The following GALNT17 variants were observed in gnomAD, a reference collection of about 807,000 sequenced individuals.
GALNT17 encodes UDP-GalNAc:polypeptide N-acetylgalactosaminyltransferase-like 3.
In GALNT17, 29 loss-of-function variants were observed where a neutral mutation model predicts 63.7. The ratio of observed to expected loss-of-function variants is 0.46; its 90% confidence interval spans 0.34 to 0.62. GALNT17 has a LOEUF of 0.62. Ranked by LOEUF, GALNT17 falls within the 20% of genes least tolerant of loss-of-function variation. The pLI is 0.01. For missense variants in GALNT17, 603 were observed against 799.6 expected, an observed-to-expected ratio of 0.75 and a Z score of 2.97; for synonymous variants, 305 against 318.3, an observed-to-expected ratio of 0.96 and a Z score of 0.45.
intron 1 of GALNT17, among the ~76,000 whole-genome samples, chr7:71,287,633 C>T (rs1790898995): frequency 1.3e-5 from 2 of 152,208 alleles, no homozygotes; most frequent in Admixed American, 1.3e-4. Context: ...TAATAGCCTA[C>T]TGTCAACTGA....
At chr7:71,365,271 C>T (rs556017313) in intron 2 of GALNT17, among the ~76,000 whole-genome samples, 8 of 151,998 alleles carry the variant, frequency 5.3e-5, no homozygotes, top group East Asian at 1.9e-4. Flanking sequence ...AACAGAGTCT[C>T]GCTCTGCTGC....
At chr7:71,700,190 C>G (rs1162476948) in intron 9 of GALNT17, among the ~76,000 whole-genome samples, 1 of 151,982 alleles carries the variant, frequency 6.6e-6, no homozygotes, top group Non-Finnish European at 1.5e-5. Flanking sequence ...CACCTGTAGT[C>G]CCAGATACTC....
intron 5 of GALNT17, among the ~76,000 whole-genome samples, chr7:71,537,926 T>G (rs559573438): frequency 7.0e-4 from 107 of 152,226 alleles, no homozygotes; most frequent in African/African-American, 2.5e-3. Context: ...GATCAAGGAA[T>G]TCCTGTGGCC....
chr7:71,619,494 T>C (rs1387167256), intron 6 of GALNT17, among the ~76,000 whole-genome samples: 2 of 152,226 alleles, frequency 1.3e-5, no homozygotes, highest in East Asian at 3.8e-4. Flanking sequence ...GTTCTCCTTG[T>C]AGAGATCTTT....
chr7:71,137,450 T>C (rs529655398), intron 1 of GALNT17, among the ~76,000 whole-genome samples: 12 of 152,186 alleles, frequency 7.9e-5, no homozygotes, highest in Non-Finnish European at 1.5e-4. Flanking sequence ...TTTTGGACTT[T>C]TAATACCACC....
chr7:71,277,404 G>C (rs1202091566), intron 1 of GALNT17, among the ~76,000 whole-genome samples: 2 of 152,068 alleles, frequency 1.3e-5, no homozygotes, highest in African/African-American at 4.8e-5. Flanking sequence ...TCACTATTTG[G>C]GTGATGAGTT....
chr7:71,517,975 C>T (rs1788470848), intron 5 of GALNT17, among the ~76,000 whole-genome samples: 1 of 152,140 alleles, frequency 6.6e-6, no homozygotes, highest in Non-Finnish European at 1.5e-5. Flanking sequence ...ATTCTTATCT[C>T]AGAGGGAGCA....
At chr7:71,616,132 G>C (rs1024880475) in intron 6 of GALNT17, among the ~76,000 whole-genome samples, 2 of 152,206 alleles carry the variant, frequency 1.3e-5, no homozygotes, top group South Asian at 2.1e-4. Flanking sequence ...TCATCAGAGA[G>C]TGGGGCTTTG....
chr7:71,569,381 T>A (rs930197429), intron 5 of GALNT17, among the ~76,000 whole-genome samples: 1 of 152,250 alleles, frequency 6.6e-6, no homozygotes, highest in African/African-American at 2.4e-5. Flanking sequence ...ATCACCTAAA[T>A]TGTGAACAGA....
At chr7:71,292,668 A>AGAGT (rs1791003191) in intron 1 of GALNT17, among the ~76,000 whole-genome samples, 1 of 67,372 alleles carries the variant, frequency 1.5e-5, no homozygotes, top group Non-Finnish European at 3.6e-5. Context: ...AGAGAGAGAG[A>AGAGT]GTGTGTGTGT....
At position 71,198,584 on chromosome 7, in the gene GALNT17, C is replaced by T. The variant is rs138056438; in HGVS notation, c.238+65544C>T. On this transcript the variant is annotated intron_variant, in intron 1 of 10. Coordinates refer to ENST00000333538, the MANE Select transcript of GALNT17 (RefSeq NM_022479.3). ...GCCAACACCAGCTGACACTAGCTGA[C>T]GCTAGTTGGACTGACACCAACACAG... is the stretch of plus-strand genomic sequence containing the variant. Among the ~76,000 whole-genome samples, 618 of 152,328 alleles carry T rather than the reference C, an allele frequency of 4.1e-3. 3 individuals are homozygous for T. The highest frequency in any genetic ancestry group is 0.014 in the African/African-American group (579 of 41,586).
chr7:71,695,251 A>G (rs1296528896), intron 9 of GALNT17, among the ~76,000 whole-genome samples: 1 of 152,134 alleles, frequency 6.6e-6, no homozygotes, highest in African/African-American at 2.4e-5. Flanking sequence ...GAACTGCCCC[A>G]ATCTATCCGC....
intron 1 of GALNT17, among the ~76,000 whole-genome samples, chr7:71,198,112 C>T (rs938836092): frequency 2.7e-5 from 4 of 150,142 alleles, no homozygotes; most frequent in South Asian, 2.1e-4. Context: ...GCAGGAGAAT[C>T]GCTTGAACCC....
intron 5 of GALNT17, among the ~76,000 whole-genome samples, chr7:71,428,962 G>T (rs946360187): frequency 3.3e-5 from 5 of 152,170 alleles, no homozygotes; most frequent in Non-Finnish European, 7.3e-5. Context: ...GGGGTTAGAT[G>T]GTAGGACTCT....
Position 71,579,468 on chromosome 7 carries a change from A to G in GALNT17, c.1080+8066A>G, listed in dbSNP as rs372063243. Among the ~76,000 whole-genome samples the G allele has an allele frequency of 4.6e-5, 7 of 152,236 alleles. No individual in the cohort carries two copies. In the East Asian group the frequency reaches 9.6e-4, roughly 21 times the overall value. On this transcript the variant is annotated intron_variant, in intron 6 of 10. Transcript: ENST00000333538. ...TTAGCACTGTGATGAGTGTGAAAAA[A>G]CAAGATAGAGCAATGCTGTGGGAAA... is the stretch of plus-strand genomic sequence containing the variant.
intron 1 of GALNT17, among the ~76,000 whole-genome samples, chr7:71,165,192 C>T (rs189354233): frequency 4.6e-5 from 7 of 152,288 alleles, no homozygotes; most frequent in African/African-American, 1.7e-4. Context: ...ACAGGTTTTT[C>T]AGGGATTGGG....
chr7:71,289,261 G>A (rs1037278743), intron 1 of GALNT17, among the ~76,000 whole-genome samples: 2 of 132,962 alleles, frequency 1.5e-5, no homozygotes, highest in African/African-American at 5.7e-5. Flanking sequence ...AATCATTATT[G>A]GGCATAATTA....
At chr7:71,273,091 G>GTTT (rs79048419) in intron 1 of GALNT17, among the ~76,000 whole-genome samples, 7 of 151,604 alleles carry the variant, frequency 4.6e-5, no homozygotes, top group East Asian at 1.9e-4. Flanking sequence ...CCATCTTATT[G>GTTT]TTTTTTTAAC....
At chr7:71,433,517 C>T (rs935767442) in intron 5 of GALNT17, among the ~76,000 whole-genome samples, 3 of 152,176 alleles carry the variant, frequency 2.0e-5, no homozygotes, top group African/African-American at 7.2e-5. Context: ...TTATGTGGTC[C>T]GTGAATTCTT....
Sources: allele counts gnomAD v4.1 joint callset (sites outside exome capture counted in the v4.1 genomes callset), GRCh38; gene constraint gnomAD v4.1.1; transcripts MANE v1.5; gene names NCBI Gene and HGNC (gene_info 2026-07-23, HGNC 2026-07-21).